MEIS1: variants seen among roughly 807,000 people sequenced by gnomAD.
MEIS1 encodes Meis homeobox 1.
A neutral mutation model predicts 50.8 loss-of-function variants in MEIS1; 5 were observed. That is an observed-to-expected ratio of 0.10 (90% CI 0.05 to 0.21). The LOEUF is 0.21. Among genes scored for constraint, MEIS1 ranks in the 10% least tolerant of loss-of-function variants. MEIS1 has a pLI of 1.00. For synonymous variants in MEIS1, 176 were observed against 179.3 expected (o/e 0.98, Z 0.15); for missense variants, 318 against 517.3 (o/e 0.61, Z 3.74).
In MEIS1 at chr2:66,440,545, T is replaced by C; in HGVS notation, c.382-17T>C. The C allele has an allele frequency of 6.2e-7, 1 of 1,608,472 alleles. No homozygotes were observed. The highest frequency in any genetic ancestry group is 1.3e-5 in the African/African-American group (1 of 74,836). ...TCTCTCCCCTCCCTCTCCCCTCTCC[T>C]TCTCACTTGTATTTAGATTCGCGCA... On this transcript the variant is annotated splice_polypyrimidine_tract_variant and intron_variant, in intron 3 of 12. Coordinates refer to ENST00000272369, the MANE Select transcript of MEIS1 (RefSeq NM_002398.3).
At chr2:66,483,435 T>G (rs1673066719) in intron 7 of MEIS1, among the ~76,000 whole-genome samples, 1 of 152,126 alleles carries the variant, frequency 6.6e-6, no homozygotes, top group Non-Finnish European at 1.5e-5. Flanking sequence ...TCTAGTATTA[T>G]TCCCAAATAT....
At chr2:66,440,889 T>C in intron 4 of MEIS1, 1 of 492,158 alleles carries the variant, frequency 2.0e-6, no homozygotes, top group Non-Finnish European at 3.6e-6. Context: ...GCGCGGGGAT[T>C]TATCTCCCGG....
intron 8 of MEIS1, among the ~76,000 whole-genome samples, chr2:66,525,199 T>C (rs562487966): frequency 1.3e-5 from 2 of 151,558 alleles, no homozygotes; most frequent in Admixed American, 1.3e-4. Context: ...GGCGGCAGAG[T>C]GAGACCTTGT....
chr2:66,449,765 A>G (rs1000502236), intron 6 of MEIS1, among the ~76,000 whole-genome samples: 1 of 152,118 alleles, frequency 6.6e-6, no homozygotes, highest in Non-Finnish European at 1.5e-5. Flanking sequence ...TTCTTCAAAC[A>G]CTCTTGCTAA....
chr2:66,569,290 T>C (rs1246119220), intron 12 of MEIS1, 145 bp downstream of exon 12: 8 of 669,166 alleles, frequency 1.2e-5, no homozygotes, highest in Non-Finnish European at 2.0e-5. Flanking sequence ...TCATTTTCTT[T>C]TTGGTTGTGA....
intron 7 of MEIS1, among the ~76,000 whole-genome samples, chr2:66,497,213 G>C (rs905243566): frequency 6.6e-6 from 1 of 152,176 alleles, no homozygotes; most frequent in African/African-American, 2.4e-5. Context: ...AAATGGAAAG[G>C]GTAGTGGTAG....
chr2:66,447,222 C>T (rs1419693609), intron 6 of MEIS1, among the ~76,000 whole-genome samples: 2 of 152,120 alleles, frequency 1.3e-5, no homozygotes, highest in African/African-American at 4.8e-5. Flanking sequence ...ACACAAACAG[C>T]GGGAGGCAGA....
At chr2:66,516,577 TTG>T (rs59154318) in intron 8 of MEIS1, among the ~76,000 whole-genome samples, 49,663 of 147,796 alleles carry the variant, frequency 0.34, 8,311 homozygotes, top group Middle Eastern at 0.38. Context: ...CCTGGAAAAT[TTG>T]TGTGTGTGTG....
chr2:66,483,218 TTTTTTTTTTTTGTC>T (rs575373127), intron 7 of MEIS1, among the ~76,000 whole-genome samples: 8,865 of 128,874 alleles, frequency 0.069, 422 homozygotes, highest in African/African-American at 0.2. Context: ...TTATGCTTAT[TTTTTTTTTTTTGTC>T]TTTTTTTTTT....
intron 7 of MEIS1, among the ~76,000 whole-genome samples, chr2:66,484,780 G>A (rs1368852008): frequency 1.3e-5 from 2 of 151,982 alleles, no homozygotes; most frequent in African/African-American, 4.8e-5. Context: ...GGCTGGTCTC[G>A]AACTCCTGAC....
At chr2:66,568,614 T>C (rs551178653) in intron 10 of MEIS1, 53 bp from the exon 11 acceptor site, 1 of 1,358,418 alleles carries the variant, frequency 7.4e-7, no homozygotes, top group African/African-American at 1.4e-5. Context: ...CTTGGGCTAT[T>C]TCTTTTGCTC....
chr2:66,491,546 G>A (rs572881729), intron 7 of MEIS1, among the ~76,000 whole-genome samples: 5 of 152,248 alleles, frequency 3.3e-5, no homozygotes, highest in African/African-American at 1.2e-4. Flanking sequence ...CTCAGGCCTT[G>A]GATATAAACA....
chr2:66,538,684 A>C (rs1380988243), intron 8 of MEIS1, among the ~76,000 whole-genome samples: 1 of 152,260 alleles, frequency 6.6e-6, no homozygotes, highest in Non-Finnish European at 1.5e-5. Context: ...TTAGTAGTCT[A>C]CTAAAATGTA....
chr2:66,525,891 C>T (rs947866616), intron 8 of MEIS1, among the ~76,000 whole-genome samples: 1 of 152,242 alleles, frequency 6.6e-6, no homozygotes, highest in African/African-American at 2.4e-5. Context: ...TCCTAGACTC[C>T]TGCAGAGGCT....
chr2:66,551,215 G>A lies in MEIS1; in HGVS notation c.965+3196G>A, dbSNP rs371100047. On this transcript the variant is annotated intron_variant, in intron 9 of 12. Transcript: ENST00000272369. ...GCTTTGACTGAAAAATAGACAAGAA[G>A]TTTGCTACATTTTAATGGTTCTTTC... Among the ~76,000 whole-genome samples the A allele has an allele frequency of 6.6e-5, 10 of 152,164 alleles. No homozygotes were observed. In the East Asian group the frequency reaches 1.5e-3, roughly 23 times the overall value.
rs539133508 is a variant in MEIS1, at chr2:66,505,832, C to G, written c.743-6317C>G. On this transcript the variant is annotated intron_variant, in intron 7 of 12. Coordinates refer to ENST00000272369, the MANE Select transcript of MEIS1 (RefSeq NM_002398.3). ...TCTGATACCTTAACTCTTAGTCCAT[C>G]TTTTGTGCAAGATGATCTTAAAGGT... Among the ~76,000 whole-genome samples the G allele has an allele frequency of 9.2e-5, 14 of 152,304 alleles. No homozygotes were observed. In the South Asian group the frequency reaches 1.4e-3, roughly 16 times the overall value.
intron 9 of MEIS1, among the ~76,000 whole-genome samples, chr2:66,553,174 C>T (rs1010584733): frequency 6.6e-6 from 1 of 152,192 alleles, no homozygotes; most frequent in Admixed American, 6.5e-5. Flanking sequence ...AACAGCTTCA[C>T]ACATAGAAAG....
intron 1 of MEIS1, among the ~76,000 whole-genome samples, chr2:66,436,585 C>T (rs1671801884): frequency 6.6e-6 from 1 of 152,218 alleles, no homozygotes; most frequent in South Asian, 2.1e-4. Flanking sequence ...GCCTTCCTTG[C>T]ATAATTTGTG....
intron 8 of MEIS1, among the ~76,000 whole-genome samples, chr2:66,546,911 A>G (rs1674805906): frequency 2.0e-5 from 3 of 152,318 alleles, no homozygotes; most frequent in Admixed American, 6.5e-5. Flanking sequence ...AGCTATGTCA[A>G]TTAGCATTCA....
Sources: allele counts gnomAD v4.1 joint callset (sites outside exome capture counted in the v4.1 genomes callset), GRCh38; gene constraint gnomAD v4.1.1; transcripts MANE v1.5; gene names NCBI Gene and HGNC (gene_info 2026-07-23, HGNC 2026-07-21).